Variants in AXDND1 observed in about 807,000 individuals in gnomAD.
AXDND1 encodes axonemal dynein light chain domain containing 1.
A neutral mutation model predicts 137.5 loss-of-function variants in AXDND1; 110 were observed. The observed-to-expected ratio is 0.80, with a 90% CI of 0.69 to 0.94. The LOEUF (loss-of-function observed/expected upper bound fraction) is 0.94. AXDND1 is among the 40% of genes least tolerant of loss of function. AXDND1 has a pLI of 0.00. For missense variants in AXDND1, 1,191 were observed against 1,169.8 expected (o/e 1.02, Z -0.26); for synonymous variants, 414 against 399.7 (o/e 1.04, Z -0.43).
Position 179,368,788 on chromosome 1 carries a change from CTACT to C in AXDND1, c.98-5_98-2del, listed in dbSNP as rs1282915315. ...ATATAGTAAGAGTTTTTCTTTTCCA[CTACT>C]TACTTAGGACTTCCTGAGCTAAAGG... On this transcript the variant is annotated splice_region_variant and splice_polypyrimidine_tract_variant and intron_variant, in intron 2 of 25. Coordinates refer to ENST00000367618, the MANE Select transcript of AXDND1 (RefSeq NM_144696.6). 4 of 1,588,304 alleles carry C rather than the reference CTACT, an allele frequency of 2.5e-6. No individual in the cohort carries two copies. Among genetic ancestry groups the C allele is most frequent in the East Asian group, 2.2e-5 (1 of 44,730 alleles).
chr1:179,469,927 G>GT (rs1273847608), intron 17 of AXDND1, among the ~76,000 whole-genome samples: 6 of 152,086 alleles, frequency 3.9e-5, no homozygotes, highest in Admixed American at 6.6e-5. Flanking sequence ...TTACCCCTAT[G>GT]TTTTTTTGTA....
chr1:179,375,108 A>C (rs35765521), intron 4 of AXDND1, among the ~76,000 whole-genome samples: 1 of 151,498 alleles, frequency 6.6e-6, no homozygotes, highest in Non-Finnish European at 1.5e-5. Context: ...TAAAAAAAAA[A>C]TTTTTTTTAA....
rs1043127472 is a variant in AXDND1 at position 179,519,217 on chromosome 1, C to A, written c.2497-6117C>A. Among the ~76,000 whole-genome samples, 11 of 152,176 alleles carry A rather than the reference C, an allele frequency of 7.2e-5. No homozygotes were observed. The South Asian group carries it at 2.3e-3, about 32-fold the overall frequency. Reference sequence around the variant, plus strand: ...AAAACTGTCTGTTCATGTCCTTTGCCCACTTTTTTATGGGGTTGTTTTTTG... The same window carrying A: ...AAAACTGTCTGTTCATGTCCTTTGCACACTTTTTTATGGGGTTGTTTTTTG... On this transcript the variant is annotated intron_variant, in intron 21 of 25. Coordinates refer to ENST00000367618, the MANE Select transcript of AXDND1 (RefSeq NM_144696.6).
rs115957534 is a variant in AXDND1 at position 179,392,200 on chromosome 1, C to T, written c.864-1703C>T. Among the ~76,000 whole-genome samples the T allele has an allele frequency of 5.2e-3, 792 of 152,318 alleles. 6 individuals carry two copies. Among genetic ancestry groups the T allele is most frequent in the African/African-American group, 0.018 (741 of 41,560 alleles). On this transcript the variant is annotated intron_variant, in intron 9 of 25. Coordinates refer to ENST00000367618, the MANE Select transcript of AXDND1 (RefSeq NM_144696.6). ...CCTTCGCATCCTCATAGCTTAGCTC[C>T]TATTTATAAGTGAGAACATACAATA...
chr1:179,431,898 T>G (rs1210124361), intron 14 of AXDND1, among the ~76,000 whole-genome samples: 1 of 152,238 alleles, frequency 6.6e-6, no homozygotes, highest in Non-Finnish European at 1.5e-5. Flanking sequence ...GATTTCTGGC[T>G]TAAATGTTGA....
intron 20 of AXDND1, among the ~76,000 whole-genome samples, chr1:179,507,656 C>T (rs10913804): frequency 0.88 from 133,546 of 152,064 alleles, 58,823 homozygotes; most frequent in East Asian, 0.96. Context: ...AGAGTGTTTT[C>T]ACCATGGAAA....
chr1:179,376,357 G>T (rs970022766), intron 4 of AXDND1, among the ~76,000 whole-genome samples: 2 of 152,140 alleles, frequency 1.3e-5, no homozygotes, highest in African/African-American at 2.4e-5. Context: ...TATATGGAAA[G>T]TTGGCCCTCT....
chr1:179,539,267 G>A (rs1411353683), intron 25 of AXDND1, among the ~76,000 whole-genome samples: 1 of 152,162 alleles, frequency 6.6e-6, no homozygotes, highest in Non-Finnish European at 1.5e-5. Context: ...ATTAGTTGAT[G>A]CAGTTTCTTC....
intron 15 of AXDND1, among the ~76,000 whole-genome samples, chr1:179,432,852 G>A (rs913350087): frequency 5.9e-5 from 9 of 151,286 alleles, no homozygotes; most frequent in African/African-American, 1.9e-4. Flanking sequence ...GCAGTGAGCC[G>A]AGATTGCACC....
At chr1:179,461,232 G>C (rs1267907340) in intron 16 of AXDND1, among the ~76,000 whole-genome samples, 1 of 152,136 alleles carries the variant, frequency 6.6e-6, no homozygotes, top group Non-Finnish European at 1.5e-5. Context: ...TTTGTATAAG[G>C]TGTAAGGAAG....
intron 4 of AXDND1, among the ~76,000 whole-genome samples, chr1:179,372,309 T>C (rs12756624): frequency 0.2 from 30,862 of 152,062 alleles, 3,303 homozygotes; most frequent in Non-Finnish European, 0.24. Flanking sequence ...ATGCAGAACA[T>C]TGGGTATTTA....
At chr1:179,394,252 C>A (rs1650661823) in intron 10 of AXDND1, among the ~76,000 whole-genome samples, 1 of 152,058 alleles carries the variant, frequency 6.6e-6, no homozygotes, top group Non-Finnish European at 1.5e-5. Flanking sequence ...AAAATGAAGA[C>A]TCTGTATATA....
At chr1:179,369,269 AGTTTCGCCAT>A (rs139238315) in intron 3 of AXDND1, among the ~76,000 whole-genome samples, 6,942 of 152,142 alleles carry the variant, frequency 0.046, 235 homozygotes, top group Non-Finnish European at 0.069. Context: ...ATAGAGACGG[AGTTTCGCCAT>A]GTTGCCTATG....
rs141665417 is a variant in AXDND1 at position 179,519,872 on chromosome 1, T to G, written c.2497-5462T>G. Among the ~76,000 whole-genome samples the G allele has an allele frequency of 1.6e-4, 24 of 152,298 alleles. No homozygotes were observed. In the East Asian group the frequency reaches 3.7e-3, roughly 23 times the overall value. Reference sequence around the variant, plus strand: ...TTAGGATTGCCTCACTGTTCAGGCTTCTTCTTGATTCCTTATGAATTTTAA... The same window carrying G: ...TTAGGATTGCCTCACTGTTCAGGCTGCTTCTTGATTCCTTATGAATTTTAA... On this transcript the variant is annotated intron_variant, in intron 21 of 25. Coordinates refer to ENST00000367618, the MANE Select transcript of AXDND1 (RefSeq NM_144696.6).
At chr1:179,442,718 A>G (rs1659163773) in intron 15 of AXDND1, among the ~76,000 whole-genome samples, 1 of 152,088 alleles carries the variant, frequency 6.6e-6, no homozygotes, top group African/African-American at 2.4e-5. Context: ...CGGCAGACTC[A>G]TCCCGGGGTC....
intron 16 of AXDND1, among the ~76,000 whole-genome samples, chr1:179,462,035 A>C (rs1040648377): frequency 1.4e-4 from 22 of 152,072 alleles, no homozygotes; most frequent in Non-Finnish European, 2.9e-4. Context: ...AATACCCTTT[A>C]TTTCTTTCTC....
intron 18 of AXDND1, among the ~76,000 whole-genome samples, chr1:179,488,602 CTTTTTCTTTCTT>C (rs1558255899): frequency 1.1e-5 from 1 of 87,320 alleles, no homozygotes; most frequent in Non-Finnish European, 2.5e-5. Context: ...TTCTTTCTTT[CTTTTTCTTTCTT>C]TCTTTCTCTC....
chr1:179,365,913 A>T (rs976439434), upstream of AXDND1: 6 of 152,804 alleles, frequency 3.9e-5, no homozygotes, highest in African/African-American at 1.2e-4. Context: ...GGCAGCCCCT[A>T]TGGAGGGCGC....
rs532931186 is a variant in AXDND1, at chr1:179,449,312, C to G, written c.1798+4108C>G. 6 of 301,972 alleles carry G rather than the reference C, an allele frequency of 2.0e-5. No individual in the cohort carries two copies. In the East Asian group the frequency reaches 7.3e-4, roughly 37 times the overall value. 18.7% of individuals were successfully genotyped at this position (301,972 alleles called of 1,614,324 possible). A position where few individuals can be genotyped will look rare whatever the true frequency, so the allele number is the denominator to read the frequency against. ...TTCCTCCATTTAATAGTCTTGGCAT[C>G]CTTGTCAAAAATCAGTTAACCAGAG... On this transcript the variant is annotated intron_variant, in intron 16 of 25. Coordinates refer to ENST00000367618, the MANE Select transcript of AXDND1 (RefSeq NM_144696.6).
Sources: gnomAD v4.1 joint callset for allele counts (sites outside exome capture counted in the v4.1 genomes callset) on GRCh38, gnomAD v4.1.1 for gene constraint, MANE v1.5 for transcripts, NCBI Gene and HGNC (gene_info 2026-07-23, HGNC 2026-07-21) for gene names.